PHF12: variants seen among roughly 807,000 people sequenced by gnomAD.
PHF12 encodes the protein PHD finger protein 12, also known as PHD factor 1.
In PHF12, 6 loss-of-function variants were observed where a neutral mutation model predicts 99.8. The observed-to-expected ratio is 0.06, with a 90% CI of 0.03 to 0.12. PHF12 has a LOEUF of 0.12. PHF12 is among the 10% of genes least tolerant of loss of function. The pLI, the probability that PHF12 is intolerant of heterozygous loss-of-function variation, is 1.00. For synonymous variants in PHF12, 480 were observed against 514.9 expected, an observed-to-expected ratio of 0.93 and a Z score of 0.92; for missense variants, 954 against 1,300.1, an observed-to-expected ratio of 0.73 and a Z score of 4.09.
intron 3 of PHF12, chr17:28,925,750 G>C (rs1336259449): frequency 6.6e-6 from 1 of 152,210 alleles, no homozygotes; most frequent in African/African-American, 2.4e-5. Flanking sequence ...TTCTAAAATG[G>C]AAACCTACGG....
chr17:28,923,876 G>A lies in PHF12; in HGVS notation c.715+33C>T, dbSNP rs757013287. The A allele has an allele frequency of 1.9e-6, 3 of 1,573,188 alleles. No individual in the cohort carries two copies. The South Asian group carries it at 3.6e-5, about 19-fold the overall frequency. On this transcript the variant is annotated intron_variant, in intron 4 of 14. Transcript: ENST00000332830. ...GTGCTGGTCCTTTGGGGAAACTGGG[G>A]TTGGGAAGGGATATGATGATGGTTT...
chr17:28,945,781 C>T (rs2040710406), intron 2 of PHF12, among the ~76,000 whole-genome samples: 2 of 152,266 alleles, frequency 1.3e-5, no homozygotes, highest in African/African-American at 4.8e-5. Flanking sequence ...TTTCAGAAAG[C>T]TCAACTCATG....
chr17:28,907,793 G>A (rs1030105635), intron 12 of PHF12, 121 bp from the exon 13 acceptor site: 2 of 800,612 alleles, frequency 2.5e-6, no homozygotes, highest in South Asian at 2.9e-5. Context: ...AGACTTCAAG[G>A]GTGAGTAGCT....
Position 28,906,623 on chromosome 17 carries a change from T to A in PHF12, c.2681-106A>T. 7.6e-7 allele frequency: 1 copy of A among 1,321,304 alleles called. No homozygotes were observed. Among genetic ancestry groups the A allele is most frequent in the Non-Finnish European group, 1.0e-6 (1 of 966,800 alleles). The allele number at this position is 1,321,304 out of a possible 1,614,324, so 81.8% of individuals were successfully genotyped here. ...GCATCTCCCCATTCCAACTGCTGCA[T>A]GACTAGGGAGGAAGGATGCTCAGAA... On this transcript the variant is annotated intron_variant, in intron 14 of 14. Transcript: ENST00000332830. This position sits in a 1 kb window ranked among gnomAD's most constrained non-coding sequence, Gnocchi z 4.2.
rs943895869 is a variant in PHF12 at position 28,950,465 on chromosome 17, G to A, written c.67-219C>T. 1.0e-5 allele frequency: 6 copies of A among 594,888 alleles called. No homozygotes were observed. The African/African-American group carries it at 1.1e-4, about 11-fold the overall frequency. 36.9% of individuals were successfully genotyped at this position (594,888 alleles called of 1,614,324 possible). On this transcript the variant is annotated intron_variant, in intron 1 of 14. Coordinates refer to ENST00000332830, the MANE Select transcript of PHF12 (RefSeq NM_001033561.2). This position sits in a 1 kb window ranked among gnomAD's most constrained non-coding sequence, Gnocchi z 5.7. Reference sequence around the variant, plus strand: ...CAACGAGAACAGCTTCTTCCAAATGGGGAGGATCAAGGGTAGGGGGATGGG... The same window carrying A: ...CAACGAGAACAGCTTCTTCCAAATGAGGAGGATCAAGGGTAGGGGGATGGG...
intron 2 of PHF12, among the ~76,000 whole-genome samples, chr17:28,948,254 A>G (rs1017247059): frequency 2.0e-5 from 3 of 152,252 alleles, no homozygotes; most frequent in African/African-American, 7.2e-5. Flanking sequence ...CAAGAAGTCT[A>G]CAACTCAGTC....
chr17:28,911,194 T>G lies in PHF12; in HGVS notation c.2133A>C (p.Leu711Phe). 6.2e-7 allele frequency: 1 copy of G among 1,614,116 alleles called. No homozygotes were observed. The highest frequency in any genetic ancestry group is 8.5e-7 in the Non-Finnish European group (1 of 1,180,014). ...SPGTLSIGSA[L>F]TVPSFPANST... The stretch of plus-strand genomic sequence containing the variant: ...AGTTGGCTGGGAAAGAGGGTACGGT[T>G]AAAGCGCTTCCTATGGATAACGTGC... The change falls in exon 10 of 15, where the codon TTA (leucine) becomes TTC (phenylalanine). Residue 711 changes from leucine (L) to phenylalanine (F), a missense_variant. This residue lies in a region of PHF12 where 143 missense variants were observed against 191.8 expected (regional missense o/e 0.75). Transcript: ENST00000332830.
chr17:28,948,615 G>C (rs145270670), intron 2 of PHF12, among the ~76,000 whole-genome samples: 6 of 152,180 alleles, frequency 3.9e-5, no homozygotes, highest in Non-Finnish European at 7.3e-5. Context: ...AACTTAATTT[G>C]CTCAGTATCA....
In PHF12 at chr17:28,950,682, T is replaced by G; in HGVS notation, c.66+213A>C. Reference sequence around the variant, plus strand: ...TGGGCTGGCGCCTCGGGAGAGCGAATCGAGGGCGGCGGGTAGGTGAAACTG... The same window carrying G: ...TGGGCTGGCGCCTCGGGAGAGCGAAGCGAGGGCGGCGGGTAGGTGAAACTG... On this transcript the variant is annotated intron_variant, in intron 1 of 14. Coordinates refer to ENST00000332830, the MANE Select transcript of PHF12 (RefSeq NM_001033561.2). This position sits in a 1 kb window ranked among gnomAD's most constrained non-coding sequence, Gnocchi z 5.7. 1 of 638,318 alleles carries G rather than the reference T, an allele frequency of 1.6e-6. No individual in the cohort carries two copies. The highest frequency in any genetic ancestry group is 2.5e-6 in the Non-Finnish European group (1 of 406,726). 39.5% of individuals were successfully genotyped at this position (638,318 alleles called of 1,614,324 possible).
intron 5 of PHF12, 116 bp downstream of exon 5, chr17:28,921,572 T>C: frequency 7.6e-7 from 1 of 1,320,128 alleles, no homozygotes; most frequent in Non-Finnish European, 1.1e-6. Flanking sequence ...CATGTACTCA[T>C]ACTATCAGAA....
Position 28,905,735 on chromosome 17 carries a change from T to C in PHF12, c.*448A>G, listed in dbSNP as rs2039861055. ...ATCTTTATATTAAATAAAACAATGATATTGTATAGATTTTGCTGTATGAAA... is the reference window on the plus strand; with the variant it reads ...ATCTTTATATTAAATAAAACAATGACATTGTATAGATTTTGCTGTATGAAA... On this transcript the variant is annotated 3_prime_UTR_variant, in exon 15 of 15. Coordinates refer to ENST00000332830, the MANE Select transcript of PHF12 (RefSeq NM_001033561.2). The C allele has an allele frequency of 6.5e-6, 1 of 154,516 alleles. No homozygotes were observed. Among genetic ancestry groups the C allele is most frequent in the South Asian group, 2.1e-4 (1 of 4,864 alleles). 9.6% of individuals were successfully genotyped at this position (154,516 alleles called of 1,614,324 possible). A position where few individuals can be genotyped will look rare whatever the true frequency, so the allele number is the denominator to read the frequency against.
intron 7 of PHF12, among the ~76,000 whole-genome samples, chr17:28,914,926 C>T (rs937176612): frequency 2.0e-5 from 3 of 152,202 alleles, no homozygotes; most frequent in Non-Finnish European, 4.4e-5. Flanking sequence ...GGCACTGTTC[C>T]AAGTTCTAGA....
intron 2 of PHF12, among the ~76,000 whole-genome samples, chr17:28,930,173 C>T (rs1258291363): frequency 6.6e-6 from 1 of 152,210 alleles, no homozygotes; most frequent in African/African-American, 2.4e-5. Flanking sequence ...TCCAGGGCTG[C>T]TACCCACAAC....
rs1491203740 is a variant in PHF12, at chr17:28,923,650, TCA to T, written c.715+257_715+258del. On this transcript the variant is annotated intron_variant, in intron 4 of 14. Transcript: ENST00000332830. ...TCTAGCCTGAGTGACAAAGTGAGAC[TCA>T]CAAAAAAAAAAAAAAAAAAAAAAGG... 1.3e-3 allele frequency among the ~76,000 whole-genome samples: 25 copies of T among 18,672 alleles called. 1 individual carries two copies. Among genetic ancestry groups the T allele is most frequent in the East Asian group, 0.012 (14 of 1,184 alleles). 12.2% of individuals were successfully genotyped at this position (18,672 alleles called of 152,430 possible).
intron 2 of PHF12, among the ~76,000 whole-genome samples, chr17:28,943,677 AG>A (rs1449789525): frequency 7.9e-5 from 12 of 152,108 alleles, no homozygotes; most frequent in African/African-American, 2.9e-4. Context: ...CCAACAACAA[AG>A]AAAACTGGCA....
At chr17:28,909,315 TG>T (rs2039920230) in intron 11 of PHF12, 1 of 159,684 alleles carries the variant, frequency 6.3e-6, no homozygotes, top group African/African-American at 2.4e-5. Flanking sequence ...GCCTTAGCTC[TG>T]CATTTCTTTT....
intron 4 of PHF12, among the ~76,000 whole-genome samples, chr17:28,923,455 C>T (rs1319624301): frequency 6.6e-6 from 1 of 150,884 alleles, no homozygotes; most frequent in Non-Finnish European, 1.5e-5. Flanking sequence ...GTCAGGAGTT[C>T]AAGACCAGCC....
Position 28,911,230 on chromosome 17 carries a change from C to T in PHF12, c.2097G>A (p.Lys699=). The change falls in exon 10 of 15, where the codon AAG becomes AAA. Residue 699 remains lysine, a synonymous_variant. Transcript: ENST00000332830. The stretch of plus-strand genomic sequence containing the variant: ...CTATGGATAACGTGCCGGGGCTGAC[C>T]TTGCCATCTGGGGACGGAGCAGGAA... ...FSSPAPSSDG[K]VSPGTLSIGS... 1 of 1,614,122 alleles carries T rather than the reference C, an allele frequency of 6.2e-7. No individual in the cohort carries two copies. The highest frequency in any genetic ancestry group is 2.2e-5 in the East Asian group (1 of 44,880).
intron 7 of PHF12, among the ~76,000 whole-genome samples, chr17:28,914,558 G>A (rs912431515): frequency 6.6e-6 from 1 of 150,770 alleles, no homozygotes; most frequent in East Asian, 2.0e-4. Flanking sequence ...TATAGTCCCA[G>A]CTACTTGGGA....
Sources: gnomAD v4.1 joint callset for allele counts (sites outside exome capture counted in the v4.1 genomes callset) on GRCh38, gnomAD v4.1.1 for gene constraint, gnomAD v4.1.1 regional missense constraint, Gnocchi (gnomAD v3.1) non-coding constraint, MANE v1.5 for transcripts, NCBI Gene and HGNC (gene_info 2026-07-23, HGNC 2026-07-21) for gene names.